KCNH8: variants seen among roughly 807,000 people sequenced by gnomAD.
The protein encoded by KCNH8 is potassium voltage-gated channel subfamily H member 8.
KCNH8 carries 70 observed loss-of-function variants against 103.6 expected under a neutral mutation model. That is an observed-to-expected ratio of 0.68 (90% CI 0.56 to 0.82). The LOEUF (loss-of-function observed/expected upper bound fraction) is 0.82, where lower values mean the gene tolerates loss of function less well. Ranked by LOEUF, KCNH8 falls within the 40% of genes least tolerant of loss-of-function variation. The pLI, the probability that KCNH8 is intolerant of heterozygous loss-of-function variation, is 0.00. For missense variants in KCNH8, 1,217 were observed against 1,329.9 expected, an observed-to-expected ratio of 0.92 and a Z score of 1.32; for synonymous variants, 498 against 489.4, an observed-to-expected ratio of 1.02 and a Z score of -0.23.
chr3:19,231,089 G>A (rs143559258), intron 1 of KCNH8, among the ~76,000 whole-genome samples: 2 of 152,000 alleles, frequency 1.3e-5, no homozygotes, highest in Non-Finnish European at 2.9e-5. Flanking sequence ...GGGCTATTTT[G>A]CAATCAATAA....
chr3:19,485,864 G>A (rs1260697481), intron 11 of KCNH8, among the ~76,000 whole-genome samples: 4 of 152,174 alleles, frequency 2.6e-5, no homozygotes, highest in African/African-American at 4.8e-5. Flanking sequence ...AGAATTTCTT[G>A]TTGATATTTT....
chr3:19,362,820 G>C (rs2065964244), intron 5 of KCNH8, among the ~76,000 whole-genome samples: 1 of 151,984 alleles, frequency 6.6e-6, no homozygotes, highest in Non-Finnish European at 1.5e-5. Flanking sequence ...CATCACGCCT[G>C]GCTAATTTTG....
chr3:19,231,354 G>A (rs138584871), intron 1 of KCNH8, among the ~76,000 whole-genome samples: 9 of 152,084 alleles, frequency 5.9e-5, no homozygotes, highest in Admixed American at 3.9e-4. Flanking sequence ...CATAATGCTC[G>A]GTATGTTGTA....
intron 2 of KCNH8, among the ~76,000 whole-genome samples, chr3:19,260,895 A>G (rs2064425427): frequency 6.7e-6 from 1 of 149,144 alleles, no homozygotes; most frequent in Non-Finnish European, 1.5e-5. Flanking sequence ...CACTCAGTAT[A>G]ATGTTCTCCA....
chr3:19,528,462 C>G (rs1251964405), intron 15 of KCNH8, among the ~76,000 whole-genome samples: 1 of 151,986 alleles, frequency 6.6e-6, no homozygotes, highest in Non-Finnish European at 1.5e-5. Flanking sequence ...CCAACGGAGA[C>G]ATATTTCTAC....
chr3:19,404,298 C>T (rs2125141937), intron 7 of KCNH8, among the ~76,000 whole-genome samples: 1 of 152,074 alleles, frequency 6.6e-6, no homozygotes, highest in South Asian at 2.1e-4. Context: ...TTTCTAGTCT[C>T]ATCTTCCTAG....
intron 1 of KCNH8, among the ~76,000 whole-genome samples, chr3:19,221,812 C>G (rs1362182572): frequency 6.6e-6 from 1 of 150,856 alleles, no homozygotes; most frequent in Non-Finnish European, 1.5e-5. Context: ...TATCAAGTCT[C>G]TAAGTGCAAG....
chr3:19,148,547 G>A lies in KCNH8; in HGVS notation c.-173G>A. ...CCTCCTGCCACAGCCGGGGCGGCTG[G>A]AACTCTCTCCCTTTCTCCCTCCATC... On this transcript the variant is annotated 5_prime_UTR_variant, in exon 1 of 16. Transcript: ENST00000328405. 6.2e-6 allele frequency: 4 copies of A among 645,756 alleles called. No homozygotes were observed. The South Asian group carries it at 7.4e-5, about 12-fold the overall frequency. 40.0% of individuals were successfully genotyped at this position (645,756 alleles called of 1,614,324 possible).
chr3:19,178,565 G>A (rs879466013), intron 1 of KCNH8, among the ~76,000 whole-genome samples: 1 of 152,118 alleles, frequency 6.6e-6, no homozygotes, highest in Non-Finnish European at 1.5e-5. Context: ...TGGAAAGCCT[G>A]CTTCATAAGG....
chr3:19,198,191 C>T (rs935468968), intron 1 of KCNH8, among the ~76,000 whole-genome samples: 1 of 152,020 alleles, frequency 6.6e-6, no homozygotes, highest in Non-Finnish European at 1.5e-5. Flanking sequence ...GCATTTAACA[C>T]CCAGTACAGA....
chr3:19,499,739 C>CA (rs1176683610), intron 11 of KCNH8, among the ~76,000 whole-genome samples: 2 of 152,076 alleles, frequency 1.3e-5, no homozygotes, highest in African/African-American at 4.8e-5. Context: ...AGCAAATGCT[C>CA]AGAGATTTTT....
chr3:19,232,480 T>C (rs545888403), intron 1 of KCNH8, among the ~76,000 whole-genome samples: 27 of 152,230 alleles, frequency 1.8e-4, no homozygotes, highest in Non-Finnish European at 3.4e-4. Context: ...GCTAATCTTA[T>C]GCTTTAATGT....
chr3:19,421,402 A>G (rs1175743045), intron 7 of KCNH8, among the ~76,000 whole-genome samples: 1 of 152,130 alleles, frequency 6.6e-6, no homozygotes, highest in Non-Finnish European at 1.5e-5. Flanking sequence ...TAATACAGTC[A>G]TTCTCATTAG....
chr3:19,298,831 G>A (rs963982853), intron 3 of KCNH8, among the ~76,000 whole-genome samples: 2 of 151,600 alleles, frequency 1.3e-5, no homozygotes, highest in African/African-American at 2.4e-5. Flanking sequence ...CTGAGGCAGG[G>A]GAATGGCGTG....
At chr3:19,345,418 A>C (rs1178418186) in intron 4 of KCNH8, among the ~76,000 whole-genome samples, 1 of 152,092 alleles carries the variant, frequency 6.6e-6, no homozygotes. Context: ...AATTACCTTA[A>C]TTAGGCACTG....
chr3:19,198,494 T>A (rs1306911680), intron 1 of KCNH8, among the ~76,000 whole-genome samples: 1 of 152,076 alleles, frequency 6.6e-6, no homozygotes, highest in East Asian at 1.9e-4. Context: ...AAAAAAAGAT[T>A]TGGACCCTTT....
intron 3 of KCNH8, among the ~76,000 whole-genome samples, chr3:19,281,789 T>A (rs2064760342): frequency 6.6e-6 from 1 of 152,056 alleles, no homozygotes; most frequent in Non-Finnish European, 1.5e-5. Context: ...AATAGAATGT[T>A]GCAAACAAAT....
intron 15 of KCNH8, among the ~76,000 whole-genome samples, chr3:19,525,884 G>A (rs1266734625): frequency 2.6e-5 from 4 of 151,880 alleles, no homozygotes; most frequent in African/African-American, 9.7e-5. Context: ...TGAAATGTAT[G>A]CAAGTGCTGA....
At chr3:19,487,645 C>G (rs1252380457) in intron 11 of KCNH8, among the ~76,000 whole-genome samples, 1 of 152,122 alleles carries the variant, frequency 6.6e-6, no homozygotes. Context: ...CATCGCTTAG[C>G]TAGACTGGTT....
Sources: gnomAD v4.1 joint callset for allele counts (sites outside exome capture counted in the v4.1 genomes callset) on GRCh38, gnomAD v4.1.1 for gene constraint, MANE v1.5 for transcripts, NCBI Gene and HGNC (gene_info 2026-07-23, HGNC 2026-07-21) for gene names.